The following USH2A variants were observed in gnomAD, a reference collection of about 807,000 sequenced individuals.
The protein encoded by USH2A is Usher syndrome 2A (autosomal recessive, mild).
In USH2A, 443 loss-of-function variants were observed where a neutral mutation model predicts 538.9. The observed-to-expected ratio is 0.82, with a 90% CI of 0.76 to 0.89. The LOEUF (loss-of-function observed/expected upper bound fraction) is 0.89. USH2A is among the 40% of genes least tolerant of loss of function. The pLI is 0.00. For missense variants in USH2A, 6,633 were observed against 6,324.8 expected (o/e 1.05, Z -1.65); for synonymous variants, 2,413 against 2,273.5 (o/e 1.06, Z -1.75).
intron 21 of USH2A, among the ~76,000 whole-genome samples, chr1:216,114,824 C>T (rs569334668): frequency 6.6e-6 from 1 of 152,190 alleles, no homozygotes; most frequent in South Asian, 2.1e-4. Flanking sequence ...CCTTGAATAG[C>T]TTTTTAAACT....
chr1:215,893,810 T>C (rs1375628672), intron 40 of USH2A, among the ~76,000 whole-genome samples: 1 of 152,154 alleles, frequency 6.6e-6, no homozygotes, highest in Non-Finnish European at 1.5e-5. Flanking sequence ...AATTTTTGAT[T>C]AATCAATCCA....
intron 44 of USH2A, among the ~76,000 whole-genome samples, chr1:215,857,061 C>T (rs762180433): frequency 5.3e-5 from 8 of 151,946 alleles, no homozygotes; most frequent in East Asian, 1.9e-4. Context: ...TTTGGGCACT[C>T]GGGGGAGTGG....
intron 9 of USH2A, among the ~76,000 whole-genome samples, chr1:216,300,791 C>T (rs1485659670): frequency 7.1e-6 from 1 of 141,784 alleles, no homozygotes; most frequent in Non-Finnish European, 1.5e-5. Flanking sequence ...TGCTCTGTTG[C>T]CCAGGTTGGA....
chr1:215,928,042 C>T (rs2102494145), intron 38 of USH2A, among the ~76,000 whole-genome samples: 1 of 152,148 alleles, frequency 6.6e-6, no homozygotes, highest in African/African-American at 2.4e-5. Context: ...CCACAAAGGG[C>T]TCTGGTAATT....
intron 4 of USH2A, among the ~76,000 whole-genome samples, chr1:216,355,992 A>C (rs908405913): frequency 2.6e-5 from 4 of 152,178 alleles, no homozygotes; most frequent in Non-Finnish European, 5.9e-5. Flanking sequence ...CACCCTGAAA[A>C]GTATGTGTAT....
intron 3 of USH2A, among the ~76,000 whole-genome samples, chr1:216,392,764 T>C (rs2039133657): frequency 6.6e-6 from 1 of 152,210 alleles, no homozygotes; most frequent in Non-Finnish European, 1.5e-5. Context: ...ATTACATTAA[T>C]ATCAGAGCAA....
chr1:215,897,983 A>G (rs984999860), intron 40 of USH2A, among the ~76,000 whole-genome samples: 2 of 152,074 alleles, frequency 1.3e-5, no homozygotes, highest in Admixed American at 6.6e-5. Flanking sequence ...GTCTTTGTCA[A>G]CTCAATTGCA....
At chr1:215,849,228 G>A (rs1460473930) in intron 44 of USH2A, among the ~76,000 whole-genome samples, 2 of 152,088 alleles carry the variant, frequency 1.3e-5, no homozygotes, top group African/African-American at 4.8e-5. Context: ...ATGGGATGGA[G>A]GTTTTATAAA....
At chr1:216,106,571 C>T (rs2032741034) in intron 21 of USH2A, among the ~76,000 whole-genome samples, 1 of 151,340 alleles carries the variant, frequency 6.6e-6, no homozygotes, top group Admixed American at 6.6e-5. Context: ...TCTCTCCCCC[C>T]TCCTTCTCTC....
intron 11 of USH2A, among the ~76,000 whole-genome samples, chr1:216,283,941 C>T (rs2036833777): frequency 6.6e-6 from 1 of 152,052 alleles, no homozygotes. Context: ...GGTGCCATAG[C>T]TTGGATAGAA....
chr1:216,323,661 T>C lies in USH2A; in HGVS notation c.1363A>G (p.Ser455Gly), dbSNP rs866877329. 7 of 1,613,608 alleles carry C rather than the reference T, an allele frequency of 4.3e-6. No individual in the cohort carries two copies. Among genetic ancestry groups the C allele is most frequent in the Non-Finnish European group, 5.9e-6 (7 of 1,179,708 alleles). ...TAATTTGGTCCAGGTGTCAGGATGC[T>C]AAATGTGACATTGCCACGGGAATAT... Reference protein sequence around the residue: ...TPYSRGNVTFSILTPGPNYRP... With the variant: ...TPYSRGNVTFGILTPGPNYRP... The change falls in exon 8 of 72, where the codon AGC (serine) becomes GGC (glycine). Residue 455 changes from serine (S) to glycine (G), a missense_variant. By Grantham distance (56) the Ser-to-Gly change is moderately conservative. Coordinates refer to ENST00000307340, the MANE Select transcript of USH2A (RefSeq NM_206933.4).
chr1:216,096,269 G>A (rs1005767513), intron 22 of USH2A, among the ~76,000 whole-genome samples: 6 of 152,106 alleles, frequency 3.9e-5, no homozygotes, highest in African/African-American at 1.4e-4. Flanking sequence ...TACTGAATGT[G>A]CCATGTTCTC....
At chr1:215,841,623 A>C (rs539026197) in intron 46 of USH2A, among the ~76,000 whole-genome samples, 1 of 152,360 alleles carries the variant, frequency 6.6e-6, no homozygotes, top group South Asian at 2.1e-4. Flanking sequence ...ACCATTCAGG[A>C]CATAGGCACA....
chr1:215,707,010 G>A (rs1659202057), intron 61 of USH2A, among the ~76,000 whole-genome samples: 1 of 152,180 alleles, frequency 6.6e-6, no homozygotes. Context: ...TGTTCTGAGA[G>A]CTAGAAGTTG....
At position 216,254,248 on chromosome 1, in the gene USH2A, C is replaced by T. The variant is rs1425883134; in HGVS notation, c.1972-3150G>A. Among the ~76,000 whole-genome samples the T allele has an allele frequency of 2.6e-5, 4 of 152,084 alleles. No individual in the cohort carries two copies. The East Asian group carries it at 5.8e-4, about 22-fold the overall frequency. On this transcript the variant is annotated intron_variant, in intron 11 of 71. Transcript: ENST00000307340. ...GCATTATTATTTTTAAAAATGTTAACTTTAGTCAGTTTCCCAAGATTCAAC... is the reference window on the plus strand; with the variant it reads ...GCATTATTATTTTTAAAAATGTTAATTTTAGTCAGTTTCCCAAGATTCAAC...
intron 21 of USH2A, among the ~76,000 whole-genome samples, chr1:216,141,532 A>T (rs1053770468): frequency 2.6e-5 from 4 of 151,954 alleles, no homozygotes; most frequent in African/African-American, 9.7e-5. Flanking sequence ...ATCTTCTCAG[A>T]CTCCATAAGG....
intron 30 of USH2A, among the ~76,000 whole-genome samples, chr1:216,050,900 CG>C (rs2030762141): frequency 6.6e-6 from 1 of 151,934 alleles, no homozygotes; most frequent in Non-Finnish European, 1.5e-5. Flanking sequence ...CCACTGTGCC[CG>C]GCCGGCCGAC....
chr1:215,813,882 T>G lies in USH2A; in HGVS notation c.9593A>C (p.Tyr3198Ser), dbSNP rs772611054. 3 of 1,613,808 alleles carry G rather than the reference T, an allele frequency of 1.9e-6. No homozygotes were observed. The highest frequency in any genetic ancestry group is 1.7e-6 in the Non-Finnish European group (2 of 1,179,792). Residue 3198 changes from tyrosine to serine, a missense_variant, in exon 49 of 72, where the codon TAT (tyrosine) becomes TCT (serine). Transcript: ENST00000307340. ...EAKVCCNGVL[Y>S]NPKPGHRCCE... The stretch of plus-strand genomic sequence containing the variant: ...ACAGCGATGTCCAGGCTTGGGGTTA[T>G]AGAGCACTCCGTTACAACAAACCTG...
chr1:216,268,956 T>C (rs531670437), intron 11 of USH2A, among the ~76,000 whole-genome samples: 1 of 152,168 alleles, frequency 6.6e-6, no homozygotes, highest in South Asian at 2.1e-4. Context: ...AACTTACTTA[T>C]TTTTATATTT....
Sources: gnomAD v4.1 joint callset for allele counts (sites outside exome capture counted in the v4.1 genomes callset) on GRCh38, gnomAD v4.1.1 for gene constraint, MANE v1.5 for transcripts, NCBI Gene and HGNC (gene_info 2026-07-23, HGNC 2026-07-21) for gene names.